The following JAM3 variants were observed in gnomAD, a reference collection of about 807,000 sequenced individuals.
JAM3 encodes the protein junctional adhesion molecule C.
JAM3 carries 31 observed loss-of-function variants against 39.4 expected under a neutral mutation model. The ratio of observed to expected loss-of-function variants is 0.79; its 90% CI spans 0.59 to 1.06. The LOEUF (loss-of-function observed/expected upper bound fraction) is 1.06, where lower values mean the gene tolerates loss of function less well. Among genes scored for constraint, JAM3 ranks in the 50% least tolerant of loss-of-function variants. The probability of loss-of-function intolerance (pLI) is 0.00; values close to 1 mark genes in which losing one functional copy is unlikely to be tolerated. For synonymous variants in JAM3, 182 were observed against 148.7 expected, an observed-to-expected ratio of 1.22 and a Z score of -1.63; for missense variants, 455 against 391.4, an observed-to-expected ratio of 1.16 and a Z score of -1.37.
chr11:134,114,480 G>T (rs760506721), intron 1 of JAM3, among the ~76,000 whole-genome samples: 3 of 152,188 alleles, frequency 2.0e-5, no homozygotes, highest in Non-Finnish European at 4.4e-5. Flanking sequence ...GTTTGTCAAA[G>T]ATCAGATGGT....
chr11:134,069,678 C>T (rs1260784570), intron 1 of JAM3, among the ~76,000 whole-genome samples: 2 of 152,124 alleles, frequency 1.3e-5, no homozygotes, highest in Non-Finnish European at 2.9e-5. Flanking sequence ...GCGGCGTGGG[C>T]GCTGGAACTT....
rs180809319 is a variant in JAM3, at chr11:134,081,741, G to T, written c.76+12582G>T. Among the ~76,000 whole-genome samples, 4 of 152,320 alleles carry T rather than the reference G, an allele frequency of 2.6e-5. No individual in the cohort carries two copies. The East Asian group carries it at 7.7e-4, about 29-fold the overall frequency. ...ATCCCCTACACAGAGTCCCTACTGG[G>T]GTACTGCCTAGTGGAGCTGTGAGAA... On this transcript the variant is annotated intron_variant, in intron 1 of 8. Transcript: ENST00000299106.
intron 1 of JAM3, chr11:134,126,628 G>A (rs895490949): frequency 6.6e-6 from 1 of 152,206 alleles, no homozygotes; most frequent in African/African-American, 2.4e-5. Flanking sequence ...AGATATGGGA[G>A]GGATTTTGCT....
At position 134,107,221 on chromosome 11, in the gene JAM3, C is replaced by G. The variant is rs570220093; in HGVS notation, c.77-32630C>G. Among the ~76,000 whole-genome samples, 418 of 152,206 alleles carry G rather than the reference C, an allele frequency of 2.7e-3. 2 individuals are homozygous for G. Among genetic ancestry groups the G allele is most frequent in the African/African-American group, 9.3e-3 (388 of 41,504 alleles). On this transcript the variant is annotated intron_variant, in intron 1 of 8. Transcript: ENST00000299106. ...GCTGGAAACCATCATTCTCAGCAAACTATCGCAAGGACAAAAAACCAAACA... is the reference window on the plus strand; with the variant it reads ...GCTGGAAACCATCATTCTCAGCAAAGTATCGCAAGGACAAAAAACCAAACA...
chr11:134,147,030 C>G (rs1262116872), intron 6 of JAM3, among the ~76,000 whole-genome samples: 1 of 152,190 alleles, frequency 6.6e-6, no homozygotes, highest in Non-Finnish European at 1.5e-5. Context: ...GACAAGCGTT[C>G]CGAAGGATTC....
intron 1 of JAM3, among the ~76,000 whole-genome samples, chr11:134,126,768 T>C (rs1285198208): frequency 6.6e-6 from 1 of 152,194 alleles, no homozygotes; most frequent in Non-Finnish European, 1.5e-5. Flanking sequence ...GGGGCATGAA[T>C]CTGGAAGTAA....
At position 134,086,801 on chromosome 11, in the gene JAM3, GTTT is replaced by G. The variant is rs1043348003; in HGVS notation, c.76+17648_76+17650del. Among the ~76,000 whole-genome samples, 5 of 151,792 alleles carry G rather than the reference GTTT, an allele frequency of 3.3e-5. No homozygotes were observed. The East Asian group carries it at 7.7e-4, about 24-fold the overall frequency. On this transcript the variant is annotated intron_variant, in intron 1 of 8. Coordinates refer to ENST00000299106, the MANE Select transcript of JAM3 (RefSeq NM_032801.5). ...TCAAGTTTTAAAAAGTGTGTGAGTG[GTTT>G]TTTTTGTTGTTGTTGTTGTTTTGTT...
intron 1 of JAM3, among the ~76,000 whole-genome samples, chr11:134,134,424 A>T (rs1351528512): frequency 7.3e-6 from 1 of 136,124 alleles, no homozygotes; most frequent in Non-Finnish European, 1.6e-5. Context: ...AAAAAAAAAC[A>T]TCTAGGCATA....
At chr11:134,074,292 A>G (rs977971818) in intron 1 of JAM3, among the ~76,000 whole-genome samples, 2 of 152,182 alleles carry the variant, frequency 1.3e-5, no homozygotes, top group Admixed American at 6.5e-5. Context: ...CTGTTTTCCA[A>G]ATGTTCTTTG....
At chr11:134,145,098 A>G (rs1943047509) in intron 5 of JAM3, 104 bp downstream of exon 5, 8 of 964,936 alleles carry the variant, frequency 8.3e-6, no homozygotes, top group Middle Eastern at 4.1e-4. Context: ...TCTTGATAAG[A>G]CAGGAGTCAA....
chr11:134,116,548 G>A (rs1245765360), intron 1 of JAM3, among the ~76,000 whole-genome samples: 1 of 152,090 alleles, frequency 6.6e-6, no homozygotes, highest in African/African-American at 2.4e-5. Context: ...GGGATTTTTT[G>A]TCGTTGTTTG....
chr11:134,147,707 CG>C (rs147992203), intron 6 of JAM3: 20,916 of 151,678 alleles, frequency 0.14, 1,509 homozygotes, highest in East Asian at 0.26. Context: ...AGGATGGTCT[CG>C]AATCTCTGAC....
intron 3 of JAM3, 35 bp downstream of exon 3, chr11:134,140,805 T>A (rs768030704): frequency 8.2e-6 from 13 of 1,589,168 alleles, no homozygotes; most frequent in Non-Finnish European, 1.0e-5. Context: ...TGCTGACCTT[T>A]CCTCTGTCCA....
At chr11:134,143,269 C>G (rs978461455) in intron 3 of JAM3, among the ~76,000 whole-genome samples, 2 of 152,182 alleles carry the variant, frequency 1.3e-5, no homozygotes, top group African/African-American at 4.8e-5. Flanking sequence ...TTGTTAAGTT[C>G]TAGCCATCTT....
At chr11:134,140,623 T>G (rs777221467) in intron 2 of JAM3, 34 bp from the exon 3 acceptor site, 2 of 1,560,134 alleles carry the variant, frequency 1.3e-6, no homozygotes, top group Non-Finnish European at 8.8e-7. Flanking sequence ...CACTCCACAT[T>G]CACCGAGAGC....
intron 1 of JAM3, 116 bp from the exon 2 acceptor site, chr11:134,139,735 C>T (rs980675012): frequency 1.2e-6 from 1 of 801,354 alleles, no homozygotes; most frequent in Non-Finnish European, 2.2e-6. Flanking sequence ...AATATTTTTC[C>T]ATCCTCTGTG....
At chr11:134,113,390 T>C (rs567393594) in intron 1 of JAM3, among the ~76,000 whole-genome samples, 2 of 152,152 alleles carry the variant, frequency 1.3e-5, no homozygotes, top group Non-Finnish European at 2.9e-5. Flanking sequence ...CCCCTTCCTG[T>C]GTCCAAGTGT....
At chr11:134,102,165 T>C (rs531549514) in intron 1 of JAM3, among the ~76,000 whole-genome samples, 1 of 152,276 alleles carries the variant, frequency 6.6e-6, no homozygotes, top group Admixed American at 6.5e-5. Context: ...CAACGTAGCA[T>C]GGTAAGGGAT....
intron 6 of JAM3, 63 bp downstream of exon 6, chr11:134,146,108 T>A: frequency 8.9e-7 from 1 of 1,124,714 alleles, no homozygotes; most frequent in Non-Finnish European, 1.4e-6. Flanking sequence ...CATTTTAATT[T>A]AATATTATAC....
Sources: gnomAD v4.1 joint callset for allele counts (sites outside exome capture counted in the v4.1 genomes callset) on GRCh38, gnomAD v4.1.1 for gene constraint, MANE v1.5 for transcripts, NCBI Gene and HGNC (gene_info 2026-07-23, HGNC 2026-07-21) for gene names.